Variants in PLSCR4 observed in about 807,000 individuals in gnomAD.
PLSCR4 encodes the protein Ca(2+)-dependent phospholipid scramblase 4.
In PLSCR4, 25 loss-of-function variants were observed where a neutral mutation model predicts 36.3. That is an observed-to-expected ratio of 0.69 (90% confidence interval 0.50 to 0.96). The LOEUF (loss-of-function observed/expected upper bound fraction) is 0.96, where lower values mean the gene tolerates loss of function less well. PLSCR4 is among the 40% of genes least tolerant of loss of function. The probability of loss-of-function intolerance (pLI) is 0.00; values close to 1 mark genes in which losing one functional copy is unlikely to be tolerated. For missense variants in PLSCR4, 408 were observed against 414.7 expected (o/e 0.98, Z 0.14); for synonymous variants, 122 against 132.9 (o/e 0.92, Z 0.56).
At chr3:146,222,759 C>T (rs539115458) in intron 1 of PLSCR4, among the ~76,000 whole-genome samples, 2 of 152,212 alleles carry the variant, frequency 1.3e-5, no homozygotes, top group East Asian at 1.9e-4. Flanking sequence ...AGGATTCAGT[C>T]GGTGGAGTGA....
At chr3:146,240,643 A>G (rs1285125719) in intron 1 of PLSCR4, among the ~76,000 whole-genome samples, 1 of 152,128 alleles carries the variant, frequency 6.6e-6, no homozygotes, top group African/African-American at 2.4e-5. Flanking sequence ...TACTCTTCAC[A>G]CCTAGTAAGA....
intron 3 of PLSCR4, among the ~76,000 whole-genome samples, chr3:146,208,744 A>G (rs1329303652): frequency 6.6e-6 from 1 of 152,146 alleles, no homozygotes; most frequent in Non-Finnish European, 1.5e-5. Context: ...AATGGCCATA[A>G]TCAAAAACTC....
intron 1 of PLSCR4, among the ~76,000 whole-genome samples, chr3:146,233,066 ATTTTT>A (rs2035781853): frequency 6.6e-6 from 1 of 152,080 alleles, no homozygotes; most frequent in Non-Finnish European, 1.5e-5. Context: ...AATGCTTTAT[ATTTTT>A]AAGTTTCAAT....
intron 1 of PLSCR4, among the ~76,000 whole-genome samples, chr3:146,242,561 G>C (rs1460724564): frequency 6.6e-6 from 1 of 152,152 alleles, no homozygotes; most frequent in Non-Finnish European, 1.5e-5. Context: ...TCAGGTATTT[G>C]ACTGGGTCAG....
At chr3:146,224,512 G>A (rs2035346993) in intron 1 of PLSCR4, among the ~76,000 whole-genome samples, 1 of 150,564 alleles carries the variant, frequency 6.6e-6, no homozygotes, top group African/African-American at 2.5e-5. Context: ...TGTATTCGGA[G>A]TTTCTTCCTT....
intron 4 of PLSCR4, among the ~76,000 whole-genome samples, chr3:146,203,534 C>T (rs933684543): frequency 6.6e-6 from 1 of 152,000 alleles, no homozygotes; most frequent in Non-Finnish European, 1.5e-5. Flanking sequence ...CATCAATGAT[C>T]TTGTTATAGT....
At chr3:146,203,207 T>C (rs1268351189) in intron 4 of PLSCR4, among the ~76,000 whole-genome samples, 1 of 152,020 alleles carries the variant, frequency 6.6e-6, no homozygotes, top group Non-Finnish European at 1.5e-5. Context: ...CGAAATTCAT[T>C]TTTTTAACAA....
chr3:146,230,771 A>C (rs2035679370), intron 1 of PLSCR4, among the ~76,000 whole-genome samples: 1 of 152,222 alleles, frequency 6.6e-6, no homozygotes, highest in Non-Finnish European at 1.5e-5. Context: ...AAAGAGAATT[A>C]AATTGGATGG....
chr3:146,242,428 C>T (rs2036190463), intron 1 of PLSCR4, among the ~76,000 whole-genome samples: 1 of 152,022 alleles, frequency 6.6e-6, no homozygotes, highest in African/African-American at 2.4e-5. Flanking sequence ...CAACTGGGGT[C>T]ATGGGTGAGA....
intron 1 of PLSCR4, among the ~76,000 whole-genome samples, chr3:146,241,196 T>C (rs982029670): frequency 6.6e-6 from 1 of 152,220 alleles, no homozygotes; most frequent in Non-Finnish European, 1.5e-5. Flanking sequence ...ATGACTGTTA[T>C]TGGGCATGGG....
intron 1 of PLSCR4, among the ~76,000 whole-genome samples, chr3:146,228,106 G>T (rs577001283): frequency 3.1e-4 from 47 of 152,066 alleles, no homozygotes; most frequent in Non-Finnish European, 5.9e-4. Context: ...TTAATCATGG[G>T]GATGATGATG....
Position 146,222,252 on chromosome 3 carries a change from G to A in PLSCR4, c.-21-160C>T, listed in dbSNP as rs2035193142. The A allele has an allele frequency of 1.4e-5, 5 of 366,348 alleles. No homozygotes were observed. In the South Asian group the frequency reaches 3.3e-4, roughly 24 times the overall value. The allele number at this position is 366,348 out of a possible 1,614,324, so 22.7% of individuals were successfully genotyped here. A position where few individuals can be genotyped will look rare whatever the true frequency, so the allele number is the denominator to read the frequency against. Reference sequence around the variant, plus strand: ...AAAATACTTATTGAGCACCTATTATGTACGAGGCACTAATACAGATGTTGA... The same window carrying A: ...AAAATACTTATTGAGCACCTATTATATACGAGGCACTAATACAGATGTTGA... On this transcript the variant is annotated intron_variant, in intron 1 of 8. Transcript: ENST00000354952.
chr3:146,243,479 G>A (rs1007094375), intron 1 of PLSCR4, among the ~76,000 whole-genome samples: 4 of 152,008 alleles, frequency 2.6e-5, no homozygotes, highest in African/African-American at 9.7e-5. Flanking sequence ...TGCAGAGTTC[G>A]GGCACATAAA....
Position 146,196,674 on chromosome 3 carries a change from C to G in PLSCR4, c.744G>C (p.Gly248=). The change falls in exon 7 of 9, where the codon GGG becomes GGC. Residue 248 remains glycine, a synonymous_variant. Transcript: ENST00000354952. The part of the protein sequence containing the change: ...EKKENVMRVR[G]PCSTYGCGSD... ...AACCACAGCCATAGGTTGAGCATGGCCCACGAACTCTCATCACATTTTCTT... is the reference window on the plus strand; with the variant it reads ...AACCACAGCCATAGGTTGAGCATGGGCCACGAACTCTCATCACATTTTCTT... 1 of 1,613,972 alleles carries G rather than the reference C, an allele frequency of 6.2e-7. No homozygotes were observed. The highest frequency in any genetic ancestry group is 8.5e-7 in the Non-Finnish European group (1 of 1,179,908).
chr3:146,199,698 T>C, intron 6 of PLSCR4, 115 bp downstream of exon 6: 1 of 847,628 alleles, frequency 1.2e-6, no homozygotes. Context: ...CACTATCTTC[T>C]TCCATTCTGG....
chr3:146,217,715 T>C (rs560234870), intron 3 of PLSCR4, among the ~76,000 whole-genome samples: 9 of 152,206 alleles, frequency 5.9e-5, no homozygotes, highest in Middle Eastern at 3.4e-3. Flanking sequence ...CTCCAGTGTA[T>C]GGGAAGAATG....
chr3:146,225,626 G>C (rs946843668), intron 1 of PLSCR4, among the ~76,000 whole-genome samples: 1 of 152,194 alleles, frequency 6.6e-6, no homozygotes, highest in Admixed American at 6.5e-5. Context: ...GCACCGGTGG[G>C]CTGGCACTGC....
At chr3:146,205,551 C>G (rs1013723608) in intron 4 of PLSCR4, among the ~76,000 whole-genome samples, 1 of 152,014 alleles carries the variant, frequency 6.6e-6, no homozygotes, top group African/African-American at 2.4e-5. Flanking sequence ...AATGCAAGCA[C>G]TGTGATACTG....
chr3:146,249,582 A>T (rs1333265453), intron 1 of PLSCR4, among the ~76,000 whole-genome samples: 1 of 151,198 alleles, frequency 6.6e-6, no homozygotes, highest in Non-Finnish European at 1.5e-5. Flanking sequence ...CACTATATAT[A>T]TGTGTGTATG....
Sources: allele counts gnomAD v4.1 joint callset (sites outside exome capture counted in the v4.1 genomes callset), GRCh38; gene constraint gnomAD v4.1.1; transcripts MANE v1.5; gene names NCBI Gene and HGNC (gene_info 2026-07-23, HGNC 2026-07-21).